The following FKRP variants were observed in gnomAD, a reference collection of about 807,000 sequenced individuals.
FKRP encodes fukutin related protein, also known as ribitol 5-phosphate transferase FKRP.
FKRP carries 25 observed loss-of-function variants against 30.6 expected under a neutral mutation model. That is an observed-to-expected ratio of 0.82 (90% CI 0.60 to 1.14). The LOEUF (loss-of-function observed/expected upper bound fraction) is 1.14, where lower values mean the gene tolerates loss of function less well. FKRP is among the 50% of genes most tolerant of loss of function. The probability of loss-of-function intolerance (pLI) is 0.00; values close to 1 mark genes in which losing one functional copy is unlikely to be tolerated. For synonymous variants in FKRP, 358 were observed against 342.5 expected (o/e 1.05, Z -0.50); for missense variants, 771 against 727.8 (o/e 1.06, Z -0.68).
At chr19:46,755,137 C>T (rs373279068) in intron 3 of FKRP, among the ~76,000 whole-genome samples, 1 of 151,708 alleles carries the variant, frequency 6.6e-6, no homozygotes, top group Non-Finnish European at 1.5e-5. Flanking sequence ...TGCCTGCAAC[C>T]CCTGGCACCC....
At position 46,758,048 on chromosome 19, in the gene FKRP, C is replaced by CAG. The variant is rs1425202530; in HGVS notation, c.*1110_*1111insAG. 3 of 167,200 alleles carry CAG rather than the reference C, an allele frequency of 1.8e-5. No homozygotes were observed. The highest frequency in any genetic ancestry group is 6.5e-5 in the Admixed American group (1 of 15,290). 10.4% of individuals were successfully genotyped at this position (167,200 alleles called of 1,614,324 possible). A position where few individuals can be genotyped will look rare whatever the true frequency, so the allele number is the denominator to read the frequency against. Reference sequence around the variant, plus strand: ...ACCATAGCTCACACTCACTGAGCACCTACTGGGTACCAGGCACCATTCTCA... The same window carrying CAG: ...ACCATAGCTCACACTCACTGAGCACCAGTACTGGGTACCAGGCACCATTCTCA... On this transcript the variant is annotated 3_prime_UTR_variant, in exon 4 of 4. Transcript: ENST00000318584.
rs587780334 is a variant in FKRP at position 46,756,477 on chromosome 19, G to T, written c.1027G>T (p.Glu343Ter). 6.6e-7 allele frequency: 1 copy of T among 1,517,658 alleles called. No homozygotes were observed. Among genetic ancestry groups the T allele is most frequent in the South Asian group, 1.3e-5 (1 of 76,312 alleles). 94.0% of individuals were successfully genotyped at this position (1,517,658 alleles called of 1,614,324 possible). A position where few individuals can be genotyped will look rare whatever the true frequency, so the allele number is the denominator to read the frequency against. The part of the protein sequence containing the change: ...LEAAGVRYWL[E>*]GGSLLGAARH... ...GGCTGCGGGCGTGCGCTACTGGCTC[G>T]AGGGCGGCTCACTGCTGGGGGCCGC... The change falls in exon 4 of 4, where the codon GAG (glutamate) becomes TAG (stop). Residue 343 changes from glutamate to a stop codon, truncating the protein, a stop_gained. Coordinates refer to ENST00000318584, the MANE Select transcript of FKRP (RefSeq NM_024301.5). LOFTEE classifies it high-confidence loss of function. This position sits in a 1 kb window ranked among gnomAD's most constrained non-coding sequence, Gnocchi z 6.6.
In FKRP at chr19:46,757,211, G is replaced by A; in HGVS notation, c.*273G>A. The stretch of plus-strand genomic sequence containing the variant: ...CATCCTGGGTCATCTCAGTCATGGA[G>A]GGAGACGGGGATGTCACGCCGTCCC... On this transcript the variant is annotated 3_prime_UTR_variant, in exon 4 of 4. Transcript: ENST00000318584. 1.7e-6 allele frequency: 1 copy of A among 572,494 alleles called. No homozygotes were observed. The highest frequency in any genetic ancestry group is 3.1e-5 in the Admixed American group (1 of 32,666). 35.5% of individuals were successfully genotyped at this position (572,494 alleles called of 1,614,324 possible).
Position 46,756,186 on chromosome 19 carries a change from C to T in FKRP, c.736C>T (p.Pro246Ser), listed in dbSNP as rs1443171664. Residue 246 changes from proline to serine, a missense_variant, in exon 4 of 4, where the codon CCC becomes TCC. Pro to Ser is a moderately conservative substitution (Grantham distance 74). Transcript: ENST00000318584. This position sits in a 1 kb window ranked among gnomAD's most constrained non-coding sequence, Gnocchi z 6.6. ...LDLTFAAARQ[P>S]PLATAHARWK... Reference sequence around the variant, plus strand: ...CTTGACCTTCGCCGCGGCGCGCCAGCCCCCGCTGGCCACGGCCCACGCGCG... The same window carrying T: ...CTTGACCTTCGCCGCGGCGCGCCAGTCCCCGCTGGCCACGGCCCACGCGCG... 8 of 1,436,820 alleles carry T rather than the reference C, an allele frequency of 5.6e-6. No homozygotes were observed. In the South Asian group the frequency reaches 8.2e-5, roughly 15 times the overall value. The allele number at this position is 1,436,820 out of a possible 1,614,324, so 89.0% of individuals were successfully genotyped here.
At chr19:46,750,978 A>C (rs2054779891) in intron 3 of FKRP, among the ~76,000 whole-genome samples, 1 of 152,138 alleles carries the variant, frequency 6.6e-6, no homozygotes, top group African/African-American at 2.4e-5. Flanking sequence ...CTGACAACAA[A>C]CAAGCTAAGT....
chr19:46,749,941 C>G (rs1306163911), intron 3 of FKRP, among the ~76,000 whole-genome samples: 1 of 151,976 alleles, frequency 6.6e-6, no homozygotes, highest in Non-Finnish European at 1.5e-5. Context: ...GTCTCAAACT[C>G]CCAGGCTCAA....
chr19:46,757,082 A>ACTTCTCTC lies in FKRP; in HGVS notation c.*144_*145insCTTCTCTC, dbSNP rs2054944832. On this transcript the variant is annotated 3_prime_UTR_variant, in exon 4 of 4. Transcript: ENST00000318584. Reference sequence around the variant, plus strand: ...AGAAATTCTAAGGAGAGCATGAGAGAAGGCTGGCATTGGCAGGAGGAGAGC... The same window carrying ACTTCTCTC: ...AGAAATTCTAAGGAGAGCATGAGAGACTTCTCTCAGGCTGGCATTGGCAGGAGGAGAGC... 8.7e-7 allele frequency: 1 copy of ACTTCTCTC among 1,146,202 alleles called. No homozygotes were observed. The highest frequency in any genetic ancestry group is 1.3e-6 in the Non-Finnish European group (1 of 786,890). The allele number at this position is 1,146,202 out of a possible 1,614,324, so 71.0% of individuals were successfully genotyped here. A position where few individuals can be genotyped will look rare whatever the true frequency, so the allele number is the denominator to read the frequency against.
chr19:46,751,555 A>ATTTTTTTTTTTTTT (rs1226341140), intron 3 of FKRP, among the ~76,000 whole-genome samples: 1 of 87,936 alleles, frequency 1.1e-5, no homozygotes, highest in Non-Finnish European at 2.4e-5. Context: ...ACTTTTTTGT[A>ATTTTTTTTTTTTTT]TTTTTTTTTT....
intron 3 of FKRP, among the ~76,000 whole-genome samples, chr19:46,751,987 AAC>A (rs2054803980): frequency 6.6e-6 from 1 of 152,164 alleles, no homozygotes; most frequent in African/African-American, 2.4e-5. Context: ...CTGGGATAAG[AAC>A]ACTCAGACAG....
chr19:46,754,595 TTTG>T (rs1230352890), intron 3 of FKRP, among the ~76,000 whole-genome samples: 2 of 150,818 alleles, frequency 1.3e-5, no homozygotes, highest in African/African-American at 2.5e-5. Context: ...TTTAAATTGG[TTTG>T]TTTATTTATT....
chr19:46,756,211 G>A lies in FKRP; in HGVS notation c.761G>A (p.Arg254His), dbSNP rs1395997291. ...CCCCCGCTGGCCACGGCCCACGCGC[G>A]CTGGAAGGCTGAGCGCGAGGGACGC... ...RQPPLATAHA[R>H]WKAEREGRAR... The change falls in exon 4 of 4, where the codon CGC becomes CAC. Residue 254 changes from arginine (R) to histidine (H), a missense_variant. Coordinates refer to ENST00000318584, the MANE Select transcript of FKRP (RefSeq NM_024301.5). This position sits in a 1 kb window ranked among gnomAD's most constrained non-coding sequence, Gnocchi z 6.6. 2 of 1,438,678 alleles carry A rather than the reference G, an allele frequency of 1.4e-6. No individual in the cohort carries two copies. The highest frequency in any genetic ancestry group is 1.4e-5 in the South Asian group (1 of 73,230). The allele number at this position is 1,438,678 out of a possible 1,614,324, so 89.1% of individuals were successfully genotyped here.
Position 46,757,046 on chromosome 19 carries a change from C to G in FKRP, c.*108C>G, listed in dbSNP as rs972223917. 7.0e-7 allele frequency: 1 copy of G among 1,422,164 alleles called. No homozygotes were observed. The highest frequency in any genetic ancestry group is 2.4e-5 in the East Asian group (1 of 41,312). The allele number at this position is 1,422,164 out of a possible 1,614,324, so 88.1% of individuals were successfully genotyped here. ...TGTCGCGGAGAGGGGAAGGGGGAAA[C>G]TGACCAAGAAAGAAATTCTAAGGAG... is the stretch of plus-strand genomic sequence containing the variant. On this transcript the variant is annotated 3_prime_UTR_variant, in exon 4 of 4. Coordinates refer to ENST00000318584, the MANE Select transcript of FKRP (RefSeq NM_024301.5).
chr19:46,755,576 C>G lies in FKRP; in HGVS notation c.126C>G (p.Ala42=), dbSNP rs2122609298. The change falls in exon 4 of 4, where the codon GCC becomes GCG. Residue 42 remains alanine, a synonymous_variant. Transcript: ENST00000318584. ...RNSRARGPRR[A]SAAGPRVTVL... is the part of the protein sequence containing the mutation. ...CCCGGGCCCGGGGGCCCCGTCGTGC[C>G]TCTGCTGCCGGCCCCCGTGTCACCG... The G allele has an allele frequency of 6.2e-7, 1 of 1,606,946 alleles. No individual in the cohort carries two copies.
In FKRP at chr19:46,757,003, C is replaced by T. The variant is rs977327820; in HGVS notation, c.*65C>T. 1 of 1,591,362 alleles carries T rather than the reference C, an allele frequency of 6.3e-7. No homozygotes were observed. The highest frequency in any genetic ancestry group is 1.3e-5 in the African/African-American group (1 of 74,492). On this transcript the variant is annotated 3_prime_UTR_variant, in exon 4 of 4. Transcript: ENST00000318584. ...TGGATGTGGAGAAGCTCTGTGTGAGCGGTGAGGGGTGGAGGGATGTCGCGG... is the reference window on the plus strand; with the variant it reads ...TGGATGTGGAGAAGCTCTGTGTGAGTGGTGAGGGGTGGAGGGATGTCGCGG...
intron 3 of FKRP, among the ~76,000 whole-genome samples, chr19:46,751,598 G>A (rs1015938376): frequency 1.5e-5 from 2 of 130,068 alleles, no homozygotes; most frequent in African/African-American, 3.0e-5. Flanking sequence ...TTGCTCTGTC[G>A]CCCAGGCCGG....
In FKRP at chr19:46,756,093, G is replaced by A; in HGVS notation, c.643G>A (p.Ala215Thr). 1 of 1,540,206 alleles carries A rather than the reference G, an allele frequency of 6.5e-7. No individual in the cohort carries two copies. Among genetic ancestry groups the A allele is most frequent in the Non-Finnish European group, 8.7e-7 (1 of 1,152,848 alleles). The part of the protein sequence containing the change: ...RDLFNLSAPL[A>T]RPVGTSLFLQ... ...CCTCTTCAACCTCTCGGCGCCCCTG[G>A]CCCGGCCGGTGGGCACCAGCCTCTT... The change falls in exon 4 of 4, where the codon GCC (alanine) becomes ACC (threonine). Residue 215 changes from alanine to threonine, a missense_variant. Transcript: ENST00000318584. This position sits in a 1 kb window ranked among gnomAD's most constrained non-coding sequence, Gnocchi z 6.6.
In FKRP at chr19:46,758,471, T is replaced by G. The variant is rs2054968730; in HGVS notation, c.*1533T>G. ...ATGTTAGTAATAAAGCTTAAATTAT[T>G]CCATTTTAAAATTATGAATATGAAT... On this transcript the variant is annotated 3_prime_UTR_variant, in exon 4 of 4. Transcript: ENST00000318584. 6.0e-6 allele frequency: 1 copy of G among 166,980 alleles called. No individual in the cohort carries two copies. The highest frequency in any genetic ancestry group is 2.4e-5 in the African/African-American group (1 of 41,436). 10.3% of individuals were successfully genotyped at this position (166,980 alleles called of 1,614,324 possible).
chr19:46,750,584 G>A (rs2054772306), intron 3 of FKRP, among the ~76,000 whole-genome samples: 1 of 152,148 alleles, frequency 6.6e-6, no homozygotes, highest in African/African-American at 2.4e-5. Flanking sequence ...GGAGTGCAGT[G>A]GCTGAATCAC....
intron 3 of FKRP, among the ~76,000 whole-genome samples, chr19:46,754,781 T>C (rs776368135): frequency 6.6e-6 from 1 of 151,978 alleles, no homozygotes; most frequent in Non-Finnish European, 1.5e-5. Flanking sequence ...AACTTTTGTA[T>C]TTTTAGTAGA....
Sources: gnomAD v4.1 joint callset for allele counts (sites outside exome capture counted in the v4.1 genomes callset) on GRCh38, gnomAD v4.1.1 for gene constraint, Gnocchi (gnomAD v3.1) non-coding constraint, MANE v1.5 for transcripts, NCBI Gene and HGNC (gene_info 2026-07-23, HGNC 2026-07-21) for gene names.